Variants in SLC39A11 observed in about 807,000 individuals in gnomAD.
SLC39A11 encodes the protein zinc transporter ZIP11.
SLC39A11 carries 33 observed loss-of-function variants against 36.1 expected under a neutral mutation model. The observed-to-expected ratio is 0.91, with a 90% CI of 0.69 to 1.22. The LOEUF (loss-of-function observed/expected upper bound fraction) is 1.22, where lower values mean the gene tolerates loss of function less well. Among genes scored for constraint, SLC39A11 ranks in the 50% most tolerant of loss-of-function variants. The pLI, the probability that SLC39A11 is intolerant of heterozygous loss-of-function variation, is 0.00. For missense variants in SLC39A11, 432 were observed against 430.3 expected (o/e 1.00, Z -0.03); for synonymous variants, 166 against 170.3 (o/e 0.97, Z 0.20).
intron 6 of SLC39A11, among the ~76,000 whole-genome samples, chr17:72,759,724 T>C (rs920500076): frequency 1.4e-4 from 22 of 152,220 alleles, no homozygotes; most frequent in African/African-American, 4.6e-4. Context: ...AAAGGTAATA[T>C]ACTTGATATA....
At chr17:72,886,146 T>C (rs1020836764) in intron 5 of SLC39A11, among the ~76,000 whole-genome samples, 1 of 152,208 alleles carries the variant, frequency 6.6e-6, no homozygotes, top group African/African-American at 2.4e-5. Flanking sequence ...CACTTCCCGA[T>C]TTCCAAATGG....
chr17:72,924,162 A>ATTTTT (rs34723416), intron 5 of SLC39A11, among the ~76,000 whole-genome samples: 4 of 120,542 alleles, frequency 3.3e-5, no homozygotes, highest in Non-Finnish European at 6.4e-5. Flanking sequence ...AAAAAAAAAA[A>ATTTTT]TTTTTTTTTT....
chr17:72,931,315 G>C (rs371466776), intron 5 of SLC39A11, among the ~76,000 whole-genome samples: 2 of 152,210 alleles, frequency 1.3e-5, no homozygotes, highest in African/African-American at 4.8e-5. Flanking sequence ...CTGCAGAAGC[G>C]AGAGGAAAAG....
intron 4 of SLC39A11, among the ~76,000 whole-genome samples, chr17:72,980,163 C>T (rs960297194): frequency 3.7e-4 from 56 of 152,060 alleles, no homozygotes; most frequent in Non-Finnish European, 1.5e-5. Flanking sequence ...ATCTAAAGAA[C>T]GATTATTAAC....
At chr17:72,954,388 G>A (rs2086096428) in intron 4 of SLC39A11, among the ~76,000 whole-genome samples, 1 of 152,224 alleles carries the variant, frequency 6.6e-6, no homozygotes, top group Non-Finnish European at 1.5e-5. Context: ...CCCCCTGCCA[G>A]CTACAGCTAC....
At chr17:72,960,859 A>C (rs2086566952) in intron 4 of SLC39A11, among the ~76,000 whole-genome samples, 1 of 152,056 alleles carries the variant, frequency 6.6e-6, no homozygotes. Flanking sequence ...TCTTCACCAC[A>C]ATTTATAAAA....
At chr17:72,828,684 G>A (rs993203865) in intron 6 of SLC39A11, among the ~76,000 whole-genome samples, 3 of 152,172 alleles carry the variant, frequency 2.0e-5, no homozygotes, top group African/African-American at 7.2e-5. Context: ...TGGGCCATGG[G>A]TGCCCCCGGG....
intron 2 of SLC39A11, among the ~76,000 whole-genome samples, chr17:73,085,079 T>C (rs911127747): frequency 3.3e-5 from 5 of 152,208 alleles, no homozygotes; most frequent in African/African-American, 1.2e-4. Context: ...GTGCTTGGCT[T>C]GTCTTGGCCC....
At chr17:73,050,323 C>CAA (rs70938142) in intron 3 of SLC39A11, among the ~76,000 whole-genome samples, 13,676 of 98,380 alleles carry the variant, frequency 0.14, 1,230 homozygotes, top group East Asian at 0.39. Flanking sequence ...CTGTTTGTGG[C>CAA]AAAAAAAAAA....
chr17:72,771,090 T>G (rs562548336), intron 6 of SLC39A11, among the ~76,000 whole-genome samples: 4 of 151,086 alleles, frequency 2.6e-5, no homozygotes, highest in Non-Finnish European at 5.9e-5. Flanking sequence ...GTTGCTTATT[T>G]AAAAAAAATC....
intron 5 of SLC39A11, among the ~76,000 whole-genome samples, chr17:72,913,936 A>G (rs1392277998): frequency 6.6e-6 from 1 of 152,178 alleles, no homozygotes; most frequent in African/African-American, 2.4e-5. Context: ...TGCCAAAGAA[A>G]AAGAAATCCA....
intron 4 of SLC39A11, among the ~76,000 whole-genome samples, chr17:72,964,158 T>TA (rs1699844251): frequency 6.6e-6 from 1 of 152,202 alleles, no homozygotes; most frequent in Non-Finnish European, 1.5e-5. Context: ...AAAGAGACTT[T>TA]AGTCAAGACT....
At chr17:72,894,679 A>AAC (rs1016874519) in intron 5 of SLC39A11, among the ~76,000 whole-genome samples, 2 of 151,542 alleles carry the variant, frequency 1.3e-5, no homozygotes, top group Non-Finnish European at 2.9e-5. Context: ...CAAAAAAAAA[A>AAC]AAAAAAAATT....
chr17:72,774,783 G>A (rs1009251319), intron 6 of SLC39A11, among the ~76,000 whole-genome samples: 10 of 152,118 alleles, frequency 6.6e-5, no homozygotes, highest in Admixed American at 1.3e-4. Flanking sequence ...CTCATCTGCC[G>A]GGATCTAGCT....
At chr17:72,672,557 G>A (rs2071069176) in intron 7 of SLC39A11, among the ~76,000 whole-genome samples, 1 of 152,138 alleles carries the variant, frequency 6.6e-6, no homozygotes, top group Admixed American at 6.5e-5. Flanking sequence ...TGTGGCCGTT[G>A]GGCCAAATAT....
intron 5 of SLC39A11, among the ~76,000 whole-genome samples, chr17:72,931,981 T>C (rs898953541): frequency 3.9e-5 from 6 of 152,220 alleles, no homozygotes; most frequent in African/African-American, 1.4e-4. Flanking sequence ...GCACGTCTTC[T>C]ACACCTCTCA....
intron 5 of SLC39A11, among the ~76,000 whole-genome samples, chr17:72,928,691 C>G (rs535322736): frequency 7.1e-4 from 108 of 152,316 alleles, no homozygotes; most frequent in Non-Finnish European, 1.3e-3. Flanking sequence ...TAGACTCTCA[C>G]AGCCTGAACC....
chr17:72,856,010 T>TG (rs2079625176), intron 5 of SLC39A11, among the ~76,000 whole-genome samples: 1 of 152,246 alleles, frequency 6.6e-6, no homozygotes, highest in Admixed American at 6.5e-5. Flanking sequence ...CATTCTCATA[T>TG]GATGGGAACT....
At position 73,062,653 on chromosome 17, in the gene SLC39A11, T is replaced by C. The variant is rs78675555; in HGVS notation, c.147+22155A>G. Among the ~76,000 whole-genome samples the C allele has an allele frequency of 2.9e-3, 442 of 152,164 alleles. 4 individuals carry two copies. Among genetic ancestry groups the C allele is most frequent in the African/African-American group, 0.01 (416 of 41,514 alleles). ...TAATGCTATGACAGTAGCAAGGAAG[T>C]TATTACAAAATTTATTTCCTTTATG... On this transcript the variant is annotated intron_variant, in intron 3 of 9. Coordinates refer to ENST00000255559, the MANE Select transcript of SLC39A11 (RefSeq NM_139177.4).
Sources: gnomAD v4.1 joint callset for allele counts (sites outside exome capture counted in the v4.1 genomes callset) on GRCh38, gnomAD v4.1.1 for gene constraint, MANE v1.5 for transcripts, NCBI Gene and HGNC (gene_info 2026-07-23, HGNC 2026-07-21) for gene names.